Variants in KAZN observed in about 807,000 individuals in gnomAD.
The protein encoded by KAZN is kazrin, periplakin interacting protein.
Under a neutral mutation model 87.4 loss-of-function variants are expected in KAZN, and 40 were observed. The observed-to-expected ratio is 0.46, with a 90% CI of 0.36 to 0.60. The LOEUF (loss-of-function observed/expected upper bound fraction) is 0.60, where lower values mean the gene tolerates loss of function less well. KAZN is among the 20% of genes least tolerant of loss of function. The pLI, the probability that KAZN is intolerant of heterozygous loss-of-function variation, is 0.00. For synonymous variants in KAZN, 466 were observed against 458.3 expected (o/e 1.02, Z -0.22); for missense variants, 898 against 1,073.9 (o/e 0.84, Z 2.29).
chr1:14,823,113 G>GT (rs953107577), intron 1 of KAZN, among the ~76,000 whole-genome samples: 10 of 152,210 alleles, frequency 6.6e-5, no homozygotes, highest in African/African-American at 2.4e-4. Flanking sequence ...TCCTCCCTCT[G>GT]TAGAGCAGCC....
chr1:14,270,310 C>T (rs555455804), intron 2 of KAZN, among the ~76,000 whole-genome samples: 2 of 152,236 alleles, frequency 1.3e-5, no homozygotes, highest in African/African-American at 4.8e-5. Flanking sequence ...AGGACATCTC[C>T]AAGGAAAAGT....
intron 2 of KAZN, among the ~76,000 whole-genome samples, chr1:14,320,559 A>T (rs1276639017): frequency 6.6e-6 from 1 of 151,998 alleles, no homozygotes; most frequent in African/African-American, 2.4e-5. Flanking sequence ...GAATTCTGAG[A>T]CCTCCAGCAT....
intron 1 of KAZN, among the ~76,000 whole-genome samples, chr1:13,923,436 G>C (rs1289655282): frequency 1.3e-5 from 2 of 151,936 alleles, no homozygotes; most frequent in African/African-American, 4.8e-5. Flanking sequence ...AGCCGGGCGT[G>C]GTGGCAGGTG....
chr1:14,297,505 A>G (rs1032425760), intron 2 of KAZN, among the ~76,000 whole-genome samples: 1 of 152,074 alleles, frequency 6.6e-6, no homozygotes, highest in Non-Finnish European at 1.5e-5. Context: ...GTGATTTGGG[A>G]GAGCCAGCTG....
chr1:14,506,312 A>T (rs1408264997), intron 2 of KAZN, among the ~76,000 whole-genome samples: 2 of 151,956 alleles, frequency 1.3e-5, no homozygotes, highest in Non-Finnish European at 1.5e-5. Flanking sequence ...ACCAGACTTC[A>T]CTCTCCCATG....
intron 1 of KAZN, among the ~76,000 whole-genome samples, chr1:14,902,135 A>G (rs1446231841): frequency 6.6e-6 from 1 of 152,198 alleles, no homozygotes; most frequent in Non-Finnish European, 1.5e-5. Context: ...AACGCTGCTT[A>G]TGCAAGGGTG....
At chr1:14,841,405 C>CAAAAAAA (rs57248871) in intron 1 of KAZN, among the ~76,000 whole-genome samples, 2 of 88,866 alleles carry the variant, frequency 2.3e-5, no homozygotes, top group Non-Finnish European at 2.2e-5. Flanking sequence ...GACTCCGTCT[C>CAAAAAAA]AAAAAAAAAA....
intron 1 of KAZN, among the ~76,000 whole-genome samples, chr1:14,090,206 C>G (rs182523019): frequency 6.6e-6 from 1 of 151,768 alleles, no homozygotes; most frequent in African/African-American, 2.4e-5. Context: ...TTAAATGTTC[C>G]TTCCCTCATC....
Position 14,695,510 on chromosome 1 carries a change from C to CTTTT in KAZN, c.226+96299_226+96302dup, listed in dbSNP as rs112667110. ...CCTCTTTCCCCAGACTACATTCCATCTTTTTTTTTTTTTTTGATGGAGTCT... is the reference window on the plus strand; with the variant it reads ...CCTCTTTCCCCAGACTACATTCCATCTTTTTTTTTTTTTTTTTTTGATGGAGTCT... On this transcript the variant is annotated intron_variant, in intron 1 of 14. Transcript: ENST00000376030. Among the ~76,000 whole-genome samples the CTTTT allele has an allele frequency of 2.9e-4, 25 of 85,072 alleles. 4 individuals are homozygous for CTTTT. In the East Asian group the frequency reaches 3.8e-3, roughly 13 times the overall value. 55.8% of individuals were successfully genotyped at this position (85,072 alleles called of 152,430 possible). A position where few individuals can be genotyped will look rare whatever the true frequency, so the allele number is the denominator to read the frequency against.
intron 2 of KAZN, among the ~76,000 whole-genome samples, chr1:14,523,789 G>T (rs1023036440): frequency 1.3e-5 from 2 of 152,158 alleles, no homozygotes; most frequent in Non-Finnish European, 2.9e-5. Context: ...TGTGGTCCTG[G>T]GGCTGCACAG....
chr1:14,520,358 G>A (rs955788343), intron 2 of KAZN, among the ~76,000 whole-genome samples: 5 of 152,224 alleles, frequency 3.3e-5, no homozygotes, highest in Admixed American at 6.5e-5. Flanking sequence ...TGCCATGATA[G>A]ACGTAGCAAG....
chr1:15,101,021 T>C (rs565988870), intron 10 of KAZN, among the ~76,000 whole-genome samples: 32 of 152,066 alleles, frequency 2.1e-4, no homozygotes, highest in Admixed American at 1.9e-3. Flanking sequence ...TCCCCAGAGG[T>C]GCTGCCTCCT....
rs559437902 is a variant in KAZN, at chr1:14,647,061, G to T, written c.226+47838G>T. ...GGAAGACCGAGTCCAGGCAGTTATT[G>T]GTTCCAACAATAGGCCGACATTTTA... On this transcript the variant is annotated intron_variant, in intron 1 of 14. Transcript: ENST00000376030. 4.6e-5 allele frequency among the ~76,000 whole-genome samples: 7 copies of T among 152,294 alleles called. No homozygotes were observed. In the East Asian group the frequency reaches 1.4e-3, roughly 29 times the overall value.
At chr1:14,396,988 T>G (rs1234722925) in intron 2 of KAZN, among the ~76,000 whole-genome samples, 2 of 152,172 alleles carry the variant, frequency 1.3e-5, no homozygotes, top group Non-Finnish European at 2.9e-5. Flanking sequence ...TATTCCTACC[T>G]ACTTCTCCTT....
At chr1:14,564,150 C>G (rs959268338) in intron 2 of KAZN, among the ~76,000 whole-genome samples, 1 of 152,112 alleles carries the variant, frequency 6.6e-6, no homozygotes, top group African/African-American at 2.4e-5. Context: ...TATCTATTCT[C>G]AGGCCCCAGC....
intron 1 of KAZN, among the ~76,000 whole-genome samples, chr1:14,073,633 G>A (rs543475258): frequency 6.6e-6 from 1 of 152,026 alleles, no homozygotes; most frequent in East Asian, 1.9e-4. Context: ...TCCCACTTAT[G>A]AGTGAGAACA....
chr1:14,766,902 C>T (rs868763347), intron 1 of KAZN, among the ~76,000 whole-genome samples: 1 of 152,032 alleles, frequency 6.6e-6, no homozygotes, highest in Middle Eastern at 3.4e-3. Flanking sequence ...CTTTAGCTAT[C>T]GTTCAAGCTA....
At chr1:14,241,485 G>A (rs1648930021) in intron 2 of KAZN, among the ~76,000 whole-genome samples, 1 of 152,146 alleles carries the variant, frequency 6.6e-6, no homozygotes, top group South Asian at 2.1e-4. Context: ...AATCTTAAAT[G>A]CACATTTCAT....
intron 2 of KAZN, among the ~76,000 whole-genome samples, chr1:14,494,212 A>G (rs1055254890): frequency 6.6e-6 from 1 of 152,202 alleles, no homozygotes; most frequent in Non-Finnish European, 1.5e-5. Context: ...TAGATGATAG[A>G]ATCAAATGGG....
Sources: allele counts gnomAD v4.1 joint callset (sites outside exome capture counted in the v4.1 genomes callset), GRCh38; gene constraint gnomAD v4.1.1; transcripts MANE v1.5; gene names NCBI Gene and HGNC (gene_info 2026-07-23, HGNC 2026-07-21).